The following RELN variants were observed in gnomAD, a reference collection of about 807,000 sequenced individuals.
RELN encodes reelin.
In RELN, 108 loss-of-function variants were observed where a neutral mutation model predicts 427.6. The observed-to-expected ratio is 0.25, with a 90% CI of 0.22 to 0.30. The LOEUF (loss-of-function observed/expected upper bound fraction) is 0.30. Ranked by LOEUF, RELN falls within the 10% of genes least tolerant of loss-of-function variation. The probability of loss-of-function intolerance (pLI) is 1.00; values close to 1 mark genes in which losing one functional copy is unlikely to be tolerated. For synonymous variants in RELN, 1,524 were observed against 1,513.4 expected (o/e 1.01, Z -0.16); for missense variants, 3,715 against 4,302.8 (o/e 0.86, Z 3.82).
rs139504540 is a variant in RELN, at chr7:103,794,523, T to A, written c.474-17896A>T. 9.6e-4 allele frequency among the ~76,000 whole-genome samples: 146 copies of A among 152,304 alleles called. 1 individual carries two copies. Among genetic ancestry groups the A allele is most frequent in the African/African-American group, 3.3e-3 (139 of 41,558 alleles). On this transcript the variant is annotated intron_variant, in intron 3 of 64. Coordinates refer to ENST00000428762, the MANE Select transcript of RELN (RefSeq NM_005045.4). ...CTTTCCTTGGTAGATGCATATCACA[T>A]GCATATCTAAGTTGCAACAACAACA...
At chr7:103,864,885 C>T (rs900621842) in intron 2 of RELN, among the ~76,000 whole-genome samples, 7 of 151,526 alleles carry the variant, frequency 4.6e-5, no homozygotes, top group East Asian at 1.9e-4. Flanking sequence ...AGAAATGAAA[C>T]GGTAAGAGAC....
intron 5 of RELN, 114 bp downstream of exon 5, chr7:103,753,068 A>G: frequency 9.6e-7 from 1 of 1,037,414 alleles, no homozygotes; most frequent in Non-Finnish European, 1.5e-6. Context: ...GTGACTGATC[A>G]ATGATCAGAG....
intron 6 of RELN, among the ~76,000 whole-genome samples, chr7:103,747,423 A>AT (rs1400256416): frequency 3.9e-5 from 4 of 103,862 alleles, no homozygotes; most frequent in Admixed American, 8.9e-5. Context: ...TAATAATAAA[A>AT]TTAAAAAAAT....
chr7:103,602,057 C>T (rs1009323302), intron 24 of RELN, among the ~76,000 whole-genome samples: 1 of 152,160 alleles, frequency 6.6e-6, no homozygotes, highest in Non-Finnish European at 1.5e-5. Flanking sequence ...TCTACATACC[C>T]CCACTCTCAT....
chr7:103,940,317 C>T (rs1487363109), intron 1 of RELN, among the ~76,000 whole-genome samples: 3 of 152,036 alleles, frequency 2.0e-5, no homozygotes, highest in African/African-American at 4.8e-5. Flanking sequence ...TTAAATAAAA[C>T]GATTTATATG....
Position 103,542,843 on chromosome 7 carries a change from C to T in RELN, c.6559G>A (p.Gly2187Ser), listed in dbSNP as rs1399434453. The T allele has an allele frequency of 1.2e-6, 2 of 1,614,082 alleles. No homozygotes were observed. The highest frequency in any genetic ancestry group is 1.7e-6 in the Non-Finnish European group (2 of 1,180,006). The change falls in exon 43 of 65, where the codon GGT becomes AGT. Residue 2187 changes from glycine to serine, a missense_variant. By Grantham distance (56) the Gly-to-Ser change is moderately conservative. This residue lies in a region of RELN where 1,310 missense variants were observed against 1,643.0 expected (regional missense o/e 0.80). Coordinates refer to ENST00000428762, the MANE Select transcript of RELN (RefSeq NM_005045.4). ...LESDRFLLMS[G>S]GKPSRKCGIL... ...CCACACTTTCGAGATGGTTTCCCAC[C>T]ACTCATTAATAAGAATCTATCAGAT... is the stretch of plus-strand genomic sequence containing the variant.
intron 3 of RELN, among the ~76,000 whole-genome samples, chr7:103,822,118 C>T (rs994881871): frequency 4.4e-4 from 67 of 151,900 alleles, no homozygotes; most frequent in African/African-American, 1.5e-3. Context: ...TCTTATAATT[C>T]CAGAAAATAT....
At chr7:103,732,962 T>G (rs1008754682) in intron 6 of RELN, among the ~76,000 whole-genome samples, 39 of 152,228 alleles carry the variant, frequency 2.6e-4, no homozygotes, top group African/African-American at 9.4e-4. Context: ...GCCATTGCTT[T>G]TGGTGTTTTA....
intron 9 of RELN, among the ~76,000 whole-genome samples, chr7:103,700,006 C>T (rs1171836873): frequency 6.6e-6 from 1 of 151,958 alleles, no homozygotes; most frequent in African/African-American, 2.4e-5. Flanking sequence ...TAATATTATA[C>T]TGACAGCCTA....
chr7:103,566,456 T>C lies in RELN; in HGVS notation c.4748-44A>G, dbSNP rs56259359. 441 of 1,596,508 alleles carry C rather than the reference T, an allele frequency of 2.8e-4. 1 individual carries two copies. Among genetic ancestry groups the C allele is most frequent in the Non-Finnish European group, 3.5e-4 (413 of 1,164,092 alleles). On this transcript the variant is annotated intron_variant, in intron 32 of 64. Coordinates refer to ENST00000428762, the MANE Select transcript of RELN (RefSeq NM_005045.4). ...AGGTGGTTAGAGAAGTTTTGTTACA[T>C]AGCAATATGAATATCTTCATGACTG...
intron 51 of RELN, among the ~76,000 whole-genome samples, chr7:103,509,818 A>C (rs1321947448): frequency 6.6e-6 from 1 of 152,158 alleles, no homozygotes; most frequent in Non-Finnish European, 1.5e-5. Context: ...AAAACATCAA[A>C]AAGTGGTCGA....
At chr7:103,584,932 A>G (rs751972963) in intron 28 of RELN, among the ~76,000 whole-genome samples, 12 of 152,326 alleles carry the variant, frequency 7.9e-5, no homozygotes, top group African/African-American at 1.2e-4. Context: ...TATAAATTAC[A>G]TGGAAACTAA....
At chr7:103,639,620 G>A (rs891661082) in intron 17 of RELN, among the ~76,000 whole-genome samples, 1 of 151,754 alleles carries the variant, frequency 6.6e-6, no homozygotes, top group African/African-American at 2.4e-5. Context: ...GGCTGGTCTC[G>A]AACTCCTGAC....
chr7:103,480,224 C>A (rs1828184748), intron 63 of RELN, among the ~76,000 whole-genome samples: 1 of 152,072 alleles, frequency 6.6e-6, no homozygotes, highest in African/African-American at 2.4e-5. Flanking sequence ...TGGAGGTATT[C>A]CACCTATTTC....
chr7:103,971,093 A>C (rs1796754363), intron 1 of RELN, among the ~76,000 whole-genome samples: 1 of 151,370 alleles, frequency 6.6e-6, no homozygotes, highest in Admixed American at 6.6e-5. Context: ...CGGAGGATGC[A>C]GTGAGCAGAG....
rs1379474190 is a variant in RELN at position 103,574,089 on chromosome 7, T to C, written c.4511+3A>G. ...AAAAAGTATACCAGTTAATACTTGT[T>C]ACCTGATATTCCTGGTGTCCAGAGG... On this transcript the variant is annotated splice_donor_region_variant and intron_variant, in intron 30 of 64. Coordinates refer to ENST00000428762, the MANE Select transcript of RELN (RefSeq NM_005045.4). 1.9e-6 allele frequency: 3 copies of C among 1,608,316 alleles called. No individual in the cohort carries two copies. The African/African-American group carries it at 4.0e-5, about 22-fold the overall frequency.
chr7:103,837,323 A>G (rs1793434930), intron 2 of RELN, among the ~76,000 whole-genome samples: 1 of 152,178 alleles, frequency 6.6e-6, no homozygotes, highest in Admixed American at 6.5e-5. Flanking sequence ...ACTTCTTAGC[A>G]TCAGTTAGAA....
At chr7:103,486,445 T>G (rs759342697) in intron 60 of RELN, 29 bp from the exon 61 acceptor site, 1 of 1,521,456 alleles carries the variant, frequency 6.6e-7, no homozygotes, top group South Asian at 1.1e-5. Flanking sequence ...TCACAGAAAT[T>G]AAGTGGACCA....
intron 1 of RELN, among the ~76,000 whole-genome samples, chr7:103,955,975 T>C (rs1796424429): frequency 6.6e-6 from 1 of 152,218 alleles, no homozygotes; most frequent in South Asian, 2.1e-4. Context: ...TTCTAACCAC[T>C]ATGTCTTTGG....
Sources: allele counts gnomAD v4.1 joint callset (sites outside exome capture counted in the v4.1 genomes callset), GRCh38; gene constraint gnomAD v4.1.1; regional missense constraint gnomAD v4.1.1; transcripts MANE v1.5; gene names NCBI Gene and HGNC (gene_info 2026-07-23, HGNC 2026-07-21).